Variants in SEMA4A observed in about 807,000 individuals in gnomAD.
SEMA4A encodes the protein semaphorin 4A, also known as semaphorin-4A.
A neutral mutation model predicts 72.5 loss-of-function variants in SEMA4A; 52 were observed. The ratio of observed to expected loss-of-function variants is 0.72; its 90% CI spans 0.57 to 0.90. The LOEUF is 0.90. Ranked by LOEUF, SEMA4A falls within the 40% of genes least tolerant of loss-of-function variation. The probability of loss-of-function intolerance (pLI) is 0.00; values close to 1 mark genes in which losing one functional copy is unlikely to be tolerated. For missense variants in SEMA4A, 926 were observed against 959.7 expected (o/e 0.96, Z 0.46); for synonymous variants, 369 against 393.1 (o/e 0.94, Z 0.73).
rs1451065416 is a variant in SEMA4A, at chr1:156,158,491, GT to G, written c.462+7del. ...AGCCCTGCTTGTACCTTCATTGTGAGTTCTCTGGTGCCCAGCGCTCAGGCCC... is the reference window on the plus strand; with the variant it reads ...AGCCCTGCTTGTACCTTCATTGTGAGTCTCTGGTGCCCAGCGCTCAGGCCC... On this transcript the variant is annotated splice_donor_region_variant and intron_variant, in intron 5 of 14. Transcript: ENST00000368285. The G allele has an allele frequency of 5.6e-6, 9 of 1,605,206 alleles. No homozygotes were observed. The highest frequency in any genetic ancestry group is 1.3e-5 in the African/African-American group (1 of 74,632).
At chr1:156,161,304 C>CGGGGCAG in intron 8 of SEMA4A, 42 bp from the exon 9 acceptor site, 2 of 689,366 alleles carry the variant, frequency 2.9e-6, no homozygotes, top group Non-Finnish European at 4.1e-6. Context: ...GCTGGGGGGT[C>CGGGGCAG]GGGGCGCCCG....
At chr1:156,172,640 G>A (rs572623762) in intron 10 of SEMA4A, among the ~76,000 whole-genome samples, 186 bp from the exon 11 acceptor site, 100 of 152,334 alleles carry the variant, frequency 6.6e-4, no homozygotes, top group Admixed American at 1.2e-3. Flanking sequence ...CTTCACAGCT[G>A]AGAAACTTCA....
rs1426414412 is a variant in SEMA4A at position 156,158,254 on chromosome 1, G to A, written c.363+122G>A. ...CACTTGTTTGCACGGTTATCTCCTG[G>A]ATTATGTTCTACAGAGGCGTACAGG... On this transcript the variant is annotated intron_variant, in intron 4 of 14. Transcript: ENST00000368285. The A allele has an allele frequency of 2.3e-6, 3 of 1,289,454 alleles. No homozygotes were observed. The Admixed American group carries it at 5.1e-5, about 22-fold the overall frequency. 79.9% of individuals were successfully genotyped at this position (1,289,454 alleles called of 1,614,324 possible).
intron 13 of SEMA4A, 135 bp from the exon 14 acceptor site, chr1:156,175,421 C>A: frequency 9.1e-7 from 1 of 1,100,548 alleles, no homozygotes; most frequent in Non-Finnish European, 1.4e-6. Flanking sequence ...GCTGCTCTGG[C>A]CATTCCGCGT....
chr1:156,172,853 G>A lies in SEMA4A; in HGVS notation c.1162G>A (p.Ala388Thr). The change falls in exon 11 of 15, where the codon GCC becomes ACC. Residue 388 changes from alanine (A) to threonine (T), a missense_variant. Transcript: ENST00000368285. ...CTCAGTGGGCCCCTCCTCTGATAAG[G>A]CCCTGACCTTCATGAAGGACCATTT... ...SCSVGPSSDK[A>T]LTFMKDHFLM... 1 of 1,614,112 alleles carries A rather than the reference G, an allele frequency of 6.2e-7. No homozygotes were observed. The highest frequency in any genetic ancestry group is 8.5e-7 in the Non-Finnish European group (1 of 1,180,012).
chr1:156,175,838 G>A (rs367842947), intron 14 of SEMA4A, among the ~76,000 whole-genome samples, 182 bp downstream of exon 14: 1 of 152,214 alleles, frequency 6.6e-6, no homozygotes, highest in Admixed American at 6.5e-5. Flanking sequence ...TGAGCTGGAG[G>A]CCAAGCTGGG....
At chr1:156,168,459 G>A (rs1032065632) in intron 10 of SEMA4A, among the ~76,000 whole-genome samples, 18 of 152,000 alleles carry the variant, frequency 1.2e-4, no homozygotes, top group African/African-American at 4.3e-4. Flanking sequence ...CCTGACCTCA[G>A]GCAATCTGCC....
At chr1:156,148,832 C>T (rs1276056386), upstream of SEMA4A, among the ~76,000 whole-genome samples, 5 of 109,390 alleles carry the variant, frequency 4.6e-5, no homozygotes, top group African/African-American at 1.1e-4. Flanking sequence ...GATGGAGTTT[C>T]GCTCTTTTTG....
chr1:156,167,911 TTTTG>T (rs143237867), intron 10 of SEMA4A, among the ~76,000 whole-genome samples: 60,885 of 151,572 alleles, frequency 0.4, 12,303 homozygotes, highest in South Asian at 0.45. Context: ...CTCTTAGTTT[TTTTG>T]TTTGTTTGTT....
chr1:156,159,275 A>C (rs1363194772), intron 6 of SEMA4A, among the ~76,000 whole-genome samples: 1 of 152,140 alleles, frequency 6.6e-6, no homozygotes, highest in Admixed American at 6.5e-5. Context: ...TGGAGGTTGC[A>C]GTGAGCCAAG....
chr1:156,176,371 C>T (rs1004223698), intron 14 of SEMA4A, 34 bp from the exon 15 acceptor site: 5 of 1,501,038 alleles, frequency 3.3e-6, no homozygotes, highest in Non-Finnish European at 3.7e-6. Flanking sequence ...TTCACTTCTC[C>T]CTTAACCCTT....
intron 10 of SEMA4A, among the ~76,000 whole-genome samples, chr1:156,165,627 T>G (rs1654078224): frequency 6.6e-6 from 1 of 152,152 alleles, no homozygotes; most frequent in African/African-American, 2.4e-5. Context: ...GCCCTCTGAA[T>G]GTAACCTGGT....
intron 9 of SEMA4A, among the ~76,000 whole-genome samples, chr1:156,162,088 C>G (rs571353605): frequency 3.3e-5 from 5 of 152,290 alleles, no homozygotes; most frequent in Admixed American, 2.6e-4. Flanking sequence ...TGGTGAAACC[C>G]CGTCTCTACT....
At chr1:156,154,145 A>G (rs142870369) in intron 1 of SEMA4A, among the ~76,000 whole-genome samples, 104 of 152,292 alleles carry the variant, frequency 6.8e-4, no homozygotes, top group African/African-American at 2.5e-3. Flanking sequence ...TTTTGGGTAC[A>G]GGAACCTGCT....
intron 10 of SEMA4A, among the ~76,000 whole-genome samples, chr1:156,168,084 C>G (rs527482101): frequency 6.6e-6 from 1 of 152,006 alleles, no homozygotes; most frequent in African/African-American, 2.4e-5. Context: ...CCACAGCACC[C>G]AGCTAATTTT....
intron 9 of SEMA4A, among the ~76,000 whole-genome samples, chr1:156,162,426 T>C (rs1276311772): frequency 6.6e-6 from 1 of 152,164 alleles, no homozygotes; most frequent in Non-Finnish European, 1.5e-5. Flanking sequence ...ATCCACAGGA[T>C]CCAGAATTGA....
At chr1:156,150,201 G>A (rs976061847), upstream of SEMA4A, 53 of 152,292 alleles carry the variant, frequency 3.5e-4, no homozygotes, top group African/African-American at 1.2e-3. Context: ...GCTATTGTGT[G>A]TGATACTCAG....
Position 156,161,406 on chromosome 1 carries a change from C to A in SEMA4A, c.871C>A (p.Leu291Met). 1 of 1,606,126 alleles carries A rather than the reference C, an allele frequency of 6.2e-7. No homozygotes were observed. The highest frequency in any genetic ancestry group is 8.5e-7 in the Non-Finnish European group (1 of 1,175,068). Residue 291 changes from leucine (L) to methionine (M), a missense_variant, in exon 9 of 15, where the codon CTG becomes ATG. Coordinates refer to ENST00000368285, the MANE Select transcript of SEMA4A (RefSeq NM_022367.4). Reference protein sequence around the residue: ...KKWTTFLKAQLLCTQPGQLPF... With the variant: ...KKWTTFLKAQMLCTQPGQLPF... ...GTGGACCACCTTCCTGAAGGCCCAGCTGCTCTGCACCCAGCCGGGGCAGCT... is the reference window on the plus strand; with the variant it reads ...GTGGACCACCTTCCTGAAGGCCCAGATGCTCTGCACCCAGCCGGGGCAGCT...
At chr1:156,173,586 C>T (rs1016261196) in intron 11 of SEMA4A, among the ~76,000 whole-genome samples, 5 of 151,906 alleles carry the variant, frequency 3.3e-5, no homozygotes, top group African/African-American at 4.8e-5. Context: ...GGACACATGT[C>T]GAGCTGGGCA....
Sources: allele counts gnomAD v4.1 joint callset (sites outside exome capture counted in the v4.1 genomes callset), GRCh38; gene constraint gnomAD v4.1.1; transcripts MANE v1.5; gene names NCBI Gene and HGNC (gene_info 2026-07-23, HGNC 2026-07-21).